Variants in AFAP1L2 observed in about 807,000 individuals in gnomAD.
AFAP1L2 encodes the protein actin filament-associated protein 1-like 2.
In AFAP1L2, 46 loss-of-function variants were observed where a neutral mutation model predicts 99.3. That is an observed-to-expected ratio of 0.46 (90% CI 0.37 to 0.59). The LOEUF is 0.59. Among genes scored for constraint, AFAP1L2 ranks in the 20% least tolerant of loss-of-function variants. The pLI is 0.00. For missense variants in AFAP1L2, 959 were observed against 1,034.9 expected (o/e 0.93, Z 1.01); for synonymous variants, 397 against 419.1 (o/e 0.95, Z 0.64).
intron 5 of AFAP1L2, among the ~76,000 whole-genome samples, chr10:114,318,788 T>C (rs1458892574): frequency 8.9e-6 from 1 of 112,780 alleles, no homozygotes; most frequent in African/African-American, 2.9e-5. Flanking sequence ...TGGAGTATCT[T>C]GGAGGAAATT....
At chr10:114,389,281 A>G (rs2056865067) in intron 1 of AFAP1L2, among the ~76,000 whole-genome samples, 1 of 152,218 alleles carries the variant, frequency 6.6e-6, no homozygotes, top group South Asian at 2.1e-4. Flanking sequence ...GAAAGCAACT[A>G]TTATTTCAAG....
chr10:114,314,200 C>CT, intron 6 of AFAP1L2, 150 bp from the exon 7 acceptor site: 1 of 666,738 alleles, frequency 1.5e-6, no homozygotes, highest in Non-Finnish European at 2.4e-6. Context: ...CGAAGCAGGC[C>CT]TGGAGCCTTA....
At chr10:114,332,631 A>G (rs2047405271) in intron 3 of AFAP1L2, among the ~76,000 whole-genome samples, 1 of 152,216 alleles carries the variant, frequency 6.6e-6, no homozygotes. Flanking sequence ...TTCTGCAACT[A>G]GGCAGCTCTG....
intron 5 of AFAP1L2, chr10:114,319,637 C>G (rs767646040): frequency 7.8e-7 from 1 of 1,289,602 alleles, no homozygotes; most frequent in Non-Finnish European, 1.0e-6. Context: ...AGAAATCCGC[C>G]AGAGTGACCT....
chr10:114,294,110 C>A (rs2039849125), downstream of AFAP1L2, among the ~76,000 whole-genome samples: 1 of 152,078 alleles, frequency 6.6e-6, no homozygotes, highest in African/African-American at 2.4e-5. Context: ...CATTGAACAA[C>A]CCTTGATTTT....
rs774268215 is a variant in AFAP1L2 at position 114,300,600 on chromosome 10, A to G, written c.1633T>C (p.Ser545Pro). 2 of 1,614,108 alleles carry G rather than the reference A, an allele frequency of 1.2e-6. No homozygotes were observed. Among genetic ancestry groups the G allele is most frequent in the Non-Finnish European group, 1.7e-6 (2 of 1,180,008 alleles). ...RVYLDLTPVKSFLHGPSSAQA... is the reference protein window; with the variant it reads ...RVYLDLTPVKPFLHGPSSAQA... ...GCACTGCTGGGGCCATGCAGAAAGG[A>G]CTTGACAGGTGTGAGGTCCAGGTAC... The change falls in exon 14 of 19, where the codon TCC (serine) becomes CCC (proline). Residue 545 changes from serine to proline, a missense_variant. Transcript: ENST00000304129.
chr10:114,389,488 T>C (rs758575871), intron 1 of AFAP1L2, among the ~76,000 whole-genome samples: 47 of 152,188 alleles, frequency 3.1e-4, no homozygotes, highest in Middle Eastern at 3.2e-3. Flanking sequence ...CATCAGGTAC[T>C]AGAAAAATCT....
chr10:114,337,988 G>A (rs148938834), intron 2 of AFAP1L2, among the ~76,000 whole-genome samples: 10 of 152,296 alleles, frequency 6.6e-5, no homozygotes, highest in African/African-American at 1.2e-4. Context: ...GGCGGCAGGC[G>A]GGCGGACGCT....
At chr10:114,393,357 C>T (rs185857063) in intron 1 of AFAP1L2, 2 of 152,372 alleles carry the variant, frequency 1.3e-5, no homozygotes, top group East Asian at 3.9e-4. Flanking sequence ...CCCACACTCT[C>T]GCCCTGATTG....
chr10:114,285,861 T>C, the AFAP1L2 span: 3 of 1,396,326 alleles, frequency 2.1e-6, no homozygotes, highest in South Asian at 2.9e-5. Context: ...TCCTGGGAGA[T>C]GTTCGGCATC....
At chr10:114,378,766 A>G (rs1193770204) in intron 1 of AFAP1L2, among the ~76,000 whole-genome samples, 2 of 152,242 alleles carry the variant, frequency 1.3e-5, no homozygotes, top group Non-Finnish European at 2.9e-5. Context: ...GTTTCCAGAG[A>G]GAACCCATGG....
Position 114,323,235 on chromosome 10 carries a change from G to A in AFAP1L2, c.342C>T (p.Ile114=), listed in dbSNP as rs1396100802. The change falls in exon 5 of 19, where the codon ATC becomes ATT. Residue 114 remains isoleucine, a synonymous_variant. Coordinates refer to ENST00000304129, the MANE Select transcript of AFAP1L2 (RefSeq NM_001001936.3). ...AGCCCTCTGGAGACTCCGTCTTTGG[G>A]ATGGCAAGCTGTTTCCGTTCTGGAA... is the stretch of plus-strand genomic sequence containing the variant. ...KMIPERKQLA[I]PKTESPEGYY... is the part of the protein sequence containing the mutation. 3 of 1,600,042 alleles carry A rather than the reference G, an allele frequency of 1.9e-6. No individual in the cohort carries two copies. In the African/African-American group the frequency reaches 4.0e-5, roughly 21 times the overall value.
intron 1 of AFAP1L2, among the ~76,000 whole-genome samples, chr10:114,356,646 T>TAAAAC (rs2051435849): frequency 6.6e-6 from 1 of 152,200 alleles, no homozygotes; most frequent in African/African-American, 2.4e-5. Context: ...TCCCTCTGAT[T>TAAAAC]AAAACAAAAC....
chr10:114,299,184 C>T (rs889759231), intron 16 of AFAP1L2, 76 bp downstream of exon 16: 21 of 1,565,704 alleles, frequency 1.3e-5, no homozygotes, highest in Admixed American at 1.8e-5. Context: ...GTGGTGACAG[C>T]CAGATCTTCC....
At chr10:114,387,135 G>T (rs150088246) in intron 1 of AFAP1L2, among the ~76,000 whole-genome samples, 1 of 152,344 alleles carries the variant, frequency 6.6e-6, no homozygotes, top group East Asian at 1.9e-4. Flanking sequence ...ATTAGCAATA[G>T]CTATGGTAGC....
At chr10:114,398,761 C>T in intron 1 of AFAP1L2, 2 of 1,207,322 alleles carry the variant, frequency 1.7e-6, no homozygotes, top group Non-Finnish European at 2.2e-6. Context: ...AACCATCCAC[C>T]CAGAGCATGG....
chr10:114,349,194 A>G (rs2050056015), intron 1 of AFAP1L2, among the ~76,000 whole-genome samples: 1 of 151,912 alleles, frequency 6.6e-6, no homozygotes, highest in Admixed American at 6.6e-5. Context: ...CCCGGCCAAC[A>G]TGGCAAAACC....
At chr10:114,391,844 C>CAT (rs2057194570) in intron 1 of AFAP1L2, among the ~76,000 whole-genome samples, 2 of 152,142 alleles carry the variant, frequency 1.3e-5, no homozygotes, top group African/African-American at 4.8e-5. Flanking sequence ...ATGACTGTGG[C>CAT]ATAGAGCCAA....
At chr10:114,319,554 A>ACTG in intron 5 of AFAP1L2, 1 of 1,289,354 alleles carries the variant, frequency 7.8e-7, no homozygotes, top group Non-Finnish European at 1.0e-6. Flanking sequence ...TCGGGGAGTA[A>ACTG]GCAGTACCCA....
Sources: gnomAD v4.1 joint callset for allele counts (sites outside exome capture counted in the v4.1 genomes callset) on GRCh38, gnomAD v4.1.1 for gene constraint, MANE v1.5 for transcripts, NCBI Gene and HGNC (gene_info 2026-07-23, HGNC 2026-07-21) for gene names.